Variants in MTFMT observed in about 807,000 individuals in gnomAD.
MTFMT encodes mitochondrial methionyl-tRNA formyltransferase, also known as methionyl-tRNA formyltransferase, mitochondrial.
MTFMT carries 47 observed loss-of-function variants against 51.8 expected under a neutral mutation model. The ratio of observed to expected loss-of-function variants is 0.91; its 90% CI spans 0.72 to 1.16. MTFMT has a LOEUF of 1.16. Ranked by LOEUF, MTFMT falls within the 50% of genes most tolerant of loss-of-function variation. The probability of loss-of-function intolerance (pLI) is 0.00; values close to 1 mark genes in which losing one functional copy is unlikely to be tolerated. For missense variants in MTFMT, 512 were observed against 482.3 expected, an observed-to-expected ratio of 1.06 and a Z score of -0.58; for synonymous variants, 196 against 176.7, an observed-to-expected ratio of 1.11 and a Z score of -0.87.
chr15:65,018,461 T>G (rs1286311112), intron 5 of MTFMT, among the ~76,000 whole-genome samples: 1 of 152,210 alleles, frequency 6.6e-6, no homozygotes, highest in Non-Finnish European at 1.5e-5. Flanking sequence ...CCTTTAATGA[T>G]AAATTTGAAT....
rs776662139 is a variant in MTFMT at position 65,025,230 on chromosome 15, T to TAAA, written c.420-1439_420-1437dup. 8.0e-3 allele frequency among the ~76,000 whole-genome samples: 735 copies of TAAA among 92,444 alleles called. 21 individuals carry two copies. Among genetic ancestry groups the TAAA allele is most frequent in the African/African-American group, 0.03 (697 of 23,058 alleles). 60.6% of individuals were successfully genotyped at this position (92,444 alleles called of 152,430 possible). A position where few individuals can be genotyped will look rare whatever the true frequency, so the allele number is the denominator to read the frequency against. ...GGCCACATAGCGAGATCCCTGTCTC[T>TAAA]AAAAAAAAAAAAAAAAAAAAAAGAG... On this transcript the variant is annotated intron_variant, in intron 2 of 8. Transcript: ENST00000220058.
intron 5 of MTFMT, 80 bp from the exon 6 acceptor site, chr15:65,016,607 A>C: frequency 1.3e-6 from 1 of 791,562 alleles, no homozygotes; most frequent in Non-Finnish European, 2.0e-6. Flanking sequence ...TGAATAAGAG[A>C]TACCAGAGAA....
At chr15:65,018,721 C>T (rs780455802) in intron 5 of MTFMT, among the ~76,000 whole-genome samples, 1 of 152,124 alleles carries the variant, frequency 6.6e-6, no homozygotes, top group Non-Finnish European at 1.5e-5. Flanking sequence ...AGAGTGTTAA[C>T]AGAATGTAGG....
In MTFMT at chr15:65,001,549, T is replaced by C. The variant is rs2140470226; in HGVS notation, c.*1513A>G. On this transcript the variant is annotated 3_prime_UTR_variant, in exon 9 of 9. Coordinates refer to ENST00000220058, the MANE Select transcript of MTFMT (RefSeq NM_139242.4). ...TTTATTGCACAAGTAAGTTGAAAAA[T>C]GTTAGCACGTTCCTACTTCAAGAAA... The C allele has an allele frequency of 1.3e-5, 2 of 152,260 alleles. No individual in the cohort carries two copies. The highest frequency in any genetic ancestry group is 1.9e-4 in the East Asian group (1 of 5,174). The allele number at this position is 152,260 out of a possible 1,614,324, so 9.4% of individuals were successfully genotyped here.
At chr15:65,006,067 A>G (rs752434860) in intron 7 of MTFMT, 46 bp downstream of exon 7, 7 of 1,343,196 alleles carry the variant, frequency 5.2e-6, no homozygotes, top group Middle Eastern at 1.8e-4. Flanking sequence ...TTCCAGATAC[A>G]CTACAGTGAA....
At chr15:65,023,542 T>C (rs2086393418) in intron 3 of MTFMT, 130 bp downstream of exon 3, 1 of 782,932 alleles carries the variant, frequency 1.3e-6, no homozygotes. Context: ...AGAAAGGATA[T>C]AAAAGCAGAA....
intron 3 of MTFMT, among the ~76,000 whole-genome samples, chr15:65,022,358 CAGG>C (rs2086381425): frequency 1.3e-5 from 2 of 151,878 alleles, no homozygotes; most frequent in African/African-American, 4.8e-5. Flanking sequence ...GAGGCTGCAG[CAGG>C]AGAATCGCTT....
At chr15:65,007,012 C>G (rs140283291) in intron 6 of MTFMT, among the ~76,000 whole-genome samples, 2 of 152,208 alleles carry the variant, frequency 1.3e-5, no homozygotes, top group East Asian at 3.9e-4. Context: ...AACACATGCA[C>G]AGTAAAGGAA....
chr15:65,026,748 T>C (rs1326673023), intron 2 of MTFMT, 83 bp downstream of exon 2: 4 of 1,067,754 alleles, frequency 3.7e-6, no homozygotes, highest in Non-Finnish European at 5.5e-6. Flanking sequence ...AAGCATAGAG[T>C]TCAAATTATC....
chr15:65,003,022 T>C lies in MTFMT; in HGVS notation c.*40A>G, dbSNP rs770398802. Reference sequence around the variant, plus strand: ...CCTTGTAAATAAGGTTTTTAATAAATTACAAATATGTAATAGGTTTTTATC... The same window carrying C: ...CCTTGTAAATAAGGTTTTTAATAAACTACAAATATGTAATAGGTTTTTATC... On this transcript the variant is annotated 3_prime_UTR_variant, in exon 9 of 9. Coordinates refer to ENST00000220058, the MANE Select transcript of MTFMT (RefSeq NM_139242.4). 1.1e-5 allele frequency: 13 copies of C among 1,135,712 alleles called. No individual in the cohort carries two copies. Among genetic ancestry groups the C allele is most frequent in the Non-Finnish European group, 1.5e-5 (13 of 842,832 alleles). 70.4% of individuals were successfully genotyped at this position (1,135,712 alleles called of 1,614,324 possible).
chr15:65,004,506 T>C (rs2086206116), intron 8 of MTFMT, among the ~76,000 whole-genome samples: 1 of 152,206 alleles, frequency 6.6e-6, no homozygotes, highest in Non-Finnish European at 1.5e-5. Context: ...AAGTAGGATA[T>C]GTGTGTCCTG....
At position 65,012,321 on chromosome 15, in the gene MTFMT, AT is replaced by A. The variant is rs539296275; in HGVS notation, c.813+4114del. On this transcript the variant is annotated intron_variant, in intron 6 of 8. Transcript: ENST00000220058. ...TTAAAGTATAATAATAATAATAATA[AT>A]AAAAAGAACTATCTTTTGGGAACTA... 2.3e-4 allele frequency among the ~76,000 whole-genome samples: 33 copies of A among 143,610 alleles called. 1 individual carries two copies. The highest frequency in any genetic ancestry group is 7.8e-4 in the African/African-American group (31 of 39,724). 94.2% of individuals were successfully genotyped at this position (143,610 alleles called of 152,430 possible).
At chr15:65,021,426 T>C (rs917985778) in intron 4 of MTFMT, 88 bp downstream of exon 4, 10 of 958,418 alleles carry the variant, frequency 1.0e-5, no homozygotes, top group Admixed American at 8.3e-5. Context: ...TTAAGAAAAT[T>C]AGAAGTCACA....
rs187160130 is a variant in MTFMT, at chr15:65,025,787, A to T, written c.419+1044T>A. Reference sequence around the variant, plus strand: ...GAGGCAGTAGGTATTAGGGGACTAGAGTTTGGGGACCGAGCTGAGCTAGAG... The same window carrying T: ...GAGGCAGTAGGTATTAGGGGACTAGTGTTTGGGGACCGAGCTGAGCTAGAG... On this transcript the variant is annotated intron_variant, in intron 2 of 8. Coordinates refer to ENST00000220058, the MANE Select transcript of MTFMT (RefSeq NM_139242.4). 3.0e-4 allele frequency among the ~76,000 whole-genome samples: 45 copies of T among 152,210 alleles called. No homozygotes were observed. The East Asian group carries it at 6.0e-3, about 20-fold the overall frequency.
At chr15:65,007,889 A>C (rs141076794) in intron 6 of MTFMT, among the ~76,000 whole-genome samples, 7 of 152,006 alleles carry the variant, frequency 4.6e-5, no homozygotes, top group Admixed American at 3.9e-4. Context: ...GTTGACTTTT[A>C]ATCTTGGGGA....
intron 5 of MTFMT, among the ~76,000 whole-genome samples, chr15:65,016,784 T>A (rs1475959311): frequency 3.0e-5 from 2 of 67,270 alleles, no homozygotes; most frequent in Non-Finnish European, 4.7e-5. Flanking sequence ...TATTCAAACT[T>A]TTTTTTTTTT....
intron 4 of MTFMT, 119 bp downstream of exon 4, chr15:65,021,394 TA>T (rs1595891786): frequency 1.4e-6 from 1 of 704,438 alleles, no homozygotes; most frequent in Non-Finnish European, 2.5e-6. Flanking sequence ...AAGCCAAAGA[TA>T]GAAATTACTC....
chr15:65,003,858 A>AAAAAAAAAAAAAG (rs2086199219), intron 8 of MTFMT, among the ~76,000 whole-genome samples: 1 of 149,954 alleles, frequency 6.7e-6, no homozygotes, highest in Non-Finnish European at 1.5e-5. Flanking sequence ...AAAAAAAAAA[A>AAAAAAAAAAAAAG]AAAAAAAAGG....
chr15:65,018,985 A>G (rs1365720715), intron 5 of MTFMT, among the ~76,000 whole-genome samples: 1 of 152,244 alleles, frequency 6.6e-6, no homozygotes. Flanking sequence ...ACCAGCTATT[A>G]AATGTAAAAG....
Sources: allele counts gnomAD v4.1 joint callset (sites outside exome capture counted in the v4.1 genomes callset), GRCh38; gene constraint gnomAD v4.1.1; transcripts MANE v1.5; gene names NCBI Gene and HGNC (gene_info 2026-07-23, HGNC 2026-07-21).